Variants in SPOPL observed in about 807,000 individuals in gnomAD.
The protein encoded by SPOPL is speckle-type POZ protein-like.
In SPOPL, 23 loss-of-function variants were observed where a neutral mutation model predicts 53.8. That is an observed-to-expected ratio of 0.43 (90% CI 0.31 to 0.61). The LOEUF is 0.61. Ranked by LOEUF, SPOPL falls within the 20% of genes least tolerant of loss-of-function variation. The probability of loss-of-function intolerance (pLI) is 0.12; values close to 1 mark genes in which losing one functional copy is unlikely to be tolerated. For synonymous variants in SPOPL, 164 were observed against 149.7 expected (o/e 1.10, Z -0.70); for missense variants, 442 against 466.9 (o/e 0.95, Z 0.49).
chr2:138,540,054 G>A (rs1000227031), intron 1 of SPOPL, among the ~76,000 whole-genome samples: 5 of 152,198 alleles, frequency 3.3e-5, no homozygotes, highest in African/African-American at 1.2e-4. Context: ...TCAGATGGTT[G>A]TAGATACGCG....
At chr2:138,561,207 C>T (rs1685540684) in intron 8 of SPOPL, among the ~76,000 whole-genome samples, 1 of 151,848 alleles carries the variant, frequency 6.6e-6, no homozygotes, top group Non-Finnish European at 1.5e-5. Context: ...AAAGAACACA[C>T]ACAGTGACAT....
At chr2:138,565,032 A>C in intron 10 of SPOPL, 39 bp downstream of exon 10, 1 of 1,610,600 alleles carries the variant, frequency 6.2e-7, no homozygotes, top group Admixed American at 1.7e-5. Flanking sequence ...GTTGCTCTAC[A>C]TAAGTGAGAT....
intron 5 of SPOPL, among the ~76,000 whole-genome samples, chr2:138,555,105 G>T (rs1232485179): frequency 6.6e-6 from 1 of 150,726 alleles, no homozygotes; most frequent in Non-Finnish European, 1.5e-5. Flanking sequence ...GTGAGGGGAA[G>T]AGTGGGGGTT....
At chr2:138,554,525 G>A (rs1184856857) in intron 5 of SPOPL, 5 of 1,284,984 alleles carry the variant, frequency 3.9e-6, no homozygotes, top group Non-Finnish European at 5.1e-6. Flanking sequence ...TGCAAGTGGT[G>A]CTGTAGACAG....
At chr2:138,561,944 C>T (rs1685558921) in intron 8 of SPOPL, among the ~76,000 whole-genome samples, 1 of 151,884 alleles carries the variant, frequency 6.6e-6, no homozygotes, top group Non-Finnish European at 1.5e-5. Context: ...ACACAGGATA[C>T]CTTTGTAACA....
chr2:138,507,605 G>T (rs1340198619), intron 1 of SPOPL, among the ~76,000 whole-genome samples: 1 of 152,226 alleles, frequency 6.6e-6, no homozygotes, highest in Non-Finnish European at 1.5e-5. Context: ...GGAGTTTAAA[G>T]AAATGATACT....
intron 1 of SPOPL, among the ~76,000 whole-genome samples, chr2:138,518,722 C>A (rs952880301): frequency 6.6e-6 from 1 of 152,134 alleles, no homozygotes; most frequent in Non-Finnish European, 1.5e-5. Flanking sequence ...TATTAAAAGG[C>A]AGATTGGAGC....
At chr2:138,541,605 A>G (rs1685073254) in intron 1 of SPOPL, among the ~76,000 whole-genome samples, 1 of 151,766 alleles carries the variant, frequency 6.6e-6, no homozygotes, top group Admixed American at 6.6e-5. Flanking sequence ...ATCATTTTTT[A>G]TTGTGTCTAT....
chr2:138,559,549 A>G lies in SPOPL; in HGVS notation c.714+212A>G, dbSNP rs373013710. Reference sequence around the variant, plus strand: ...ATATTCCAGAGAACAGCTATTTTTTATGCCCTTCTGGTAGGTAAATTGGAT... The same window carrying G: ...ATATTCCAGAGAACAGCTATTTTTTGTGCCCTTCTGGTAGGTAAATTGGAT... On this transcript the variant is annotated intron_variant, in intron 7 of 10. Coordinates refer to ENST00000280098, the MANE Select transcript of SPOPL (RefSeq NM_001001664.3). Among the ~76,000 whole-genome samples, 62 of 152,312 alleles carry G rather than the reference A, an allele frequency of 4.1e-4. 3 individuals carry two copies. In the South Asian group the frequency reaches 0.013, roughly 32 times the overall value.
At chr2:138,519,873 C>G (rs1684520106) in intron 1 of SPOPL, among the ~76,000 whole-genome samples, 1 of 152,136 alleles carries the variant, frequency 6.6e-6, no homozygotes, top group African/African-American at 2.4e-5. Flanking sequence ...ATACTATTAA[C>G]TACAATACAT....
At chr2:138,564,417 A>C (rs1290708857) in intron 8 of SPOPL, 2 of 308,958 alleles carry the variant, frequency 6.5e-6, no homozygotes, top group Non-Finnish European at 6.0e-6. Flanking sequence ...AGTAGTAGAC[A>C]AGAGAAGTAT....
intron 1 of SPOPL, among the ~76,000 whole-genome samples, chr2:138,514,569 T>G (rs780243091): frequency 6.6e-6 from 1 of 152,236 alleles, no homozygotes; most frequent in Non-Finnish European, 1.5e-5. Flanking sequence ...ACTGTATGAC[T>G]CTGTATATCA....
chr2:138,542,637 G>C lies in SPOPL; in HGVS notation c.-60-7520G>C, dbSNP rs551130437. ...TTTGAGCCTATGTGTGTCTCTGCCTGTGAGATGGGTTTCCTGAATACAGCA... is the reference window on the plus strand; with the variant it reads ...TTTGAGCCTATGTGTGTCTCTGCCTCTGAGATGGGTTTCCTGAATACAGCA... On this transcript the variant is annotated intron_variant, in intron 1 of 10. Coordinates refer to ENST00000280098, the MANE Select transcript of SPOPL (RefSeq NM_001001664.3). Among the ~76,000 whole-genome samples, 11 of 152,258 alleles carry C rather than the reference G, an allele frequency of 7.2e-5. No homozygotes were observed. In the East Asian group the frequency reaches 1.2e-3, roughly 16 times the overall value.
chr2:138,509,410 G>A (rs896180631), intron 1 of SPOPL, among the ~76,000 whole-genome samples: 7 of 151,940 alleles, frequency 4.6e-5, no homozygotes, highest in African/African-American at 7.3e-5. Context: ...TATTTTATAG[G>A]TATGAGCTGA....
intron 1 of SPOPL, among the ~76,000 whole-genome samples, chr2:138,521,087 A>G (rs571804028): frequency 2.6e-4 from 40 of 152,226 alleles, no homozygotes; most frequent in African/African-American, 9.6e-4. Flanking sequence ...TTAATATGTT[A>G]TGCTATAGGA....
At chr2:138,544,959 T>C (rs1355985342) in intron 1 of SPOPL, among the ~76,000 whole-genome samples, 2 of 152,248 alleles carry the variant, frequency 1.3e-5, no homozygotes, top group East Asian at 3.9e-4. Flanking sequence ...TGGGAGCTTT[T>C]CAAAGCTTTT....
chr2:138,550,767 A>T, intron 3 of SPOPL, 136 bp from the exon 4 acceptor site: 1 of 1,392,608 alleles, frequency 7.2e-7, no homozygotes, highest in Non-Finnish European at 9.7e-7. Flanking sequence ...AACTGTGAGG[A>T]TGTTGACAGG....
intron 5 of SPOPL, among the ~76,000 whole-genome samples, chr2:138,554,125 C>T (rs1685371288): frequency 7.3e-6 from 1 of 136,228 alleles, no homozygotes; most frequent in East Asian, 2.2e-4. Context: ...TTCCTAAGTA[C>T]ACTGTGCTGG....
intron 1 of SPOPL, among the ~76,000 whole-genome samples, chr2:138,543,185 A>C (rs958972992): frequency 1.3e-5 from 2 of 151,966 alleles, no homozygotes; most frequent in African/African-American, 4.8e-5. Context: ...CTTCATTTCA[A>C]CTTTGGTGAA....
Sources: gnomAD v4.1 joint callset for allele counts (sites outside exome capture counted in the v4.1 genomes callset) on GRCh38, gnomAD v4.1.1 for gene constraint, MANE v1.5 for transcripts, NCBI Gene and HGNC (gene_info 2026-07-23, HGNC 2026-07-21) for gene names.